Variants in DLG3 observed in about 807,000 individuals in gnomAD.
DLG3 encodes the protein discs large MAGUK scaffold protein 3.
DLG3 carries 1 observed loss-of-function variant against 64.1 expected under a neutral mutation model. The ratio of observed to expected loss-of-function variants is 0.02; its 90% CI spans 0.01 to 0.07. The LOEUF (loss-of-function observed/expected upper bound fraction) is 0.07. Among genes scored for constraint, DLG3 ranks in the 10% least tolerant of loss-of-function variants. DLG3 has a pLI of 1.00. For missense variants in DLG3, 429 were observed against 669.5 expected, an observed-to-expected ratio of 0.64 and a Z score of 3.96; for synonymous variants, 245 against 259.8, an observed-to-expected ratio of 0.94 and a Z score of 0.55.
intron 9 of DLG3, among the ~76,000 whole-genome samples, chrX:70,466,291 G>T (rs2086885952): frequency 1.0e-5 from 1 of 96,377 alleles, no homozygotes; most frequent in East Asian, 3.0e-4. Context: ...GTGTGTGTGT[G>T]TGTGGATTGC....
rs1250911896 is a variant in DLG3, at chrX:70,503,373, G to A, written c.*1104G>A. On this transcript the variant is annotated 3_prime_UTR_variant, in exon 19 of 19. Coordinates refer to ENST00000374360, the MANE Select transcript of DLG3 (RefSeq NM_021120.4). Reference sequence around the variant, plus strand: ...AGGTTCTAAAGGCTTATGAGGTCCTGAAGGAGCCAGGCCTTGTGATGGAGT... The same window carrying A: ...AGGTTCTAAAGGCTTATGAGGTCCTAAAGGAGCCAGGCCTTGTGATGGAGT... 8.9e-6 allele frequency: 1 copy of A among 112,507 alleles called. No homozygotes were observed. The highest frequency in any genetic ancestry group is 3.2e-5 in the African/African-American group (1 of 30,865). 9.3% of individuals were successfully genotyped at this position (112,507 alleles called of 1,213,427 possible).
chrX:70,449,411 T>C lies in DLG3; in HGVS notation c.461T>C (p.Val154Ala). ...SIAGGIDNPH[V>A]PDDPGIFITK... ...GCAGGTGGCATCGACAATCCCCATG[T>C]CCCTGATGACCCTGGCATCTTTATT... The change falls in exon 3 of 19, where the codon GTC becomes GCC. Residue 154 changes from valine to alanine, a missense_variant. This residue lies in a region of DLG3 where 73 missense variants were observed against 158.5 expected (regional missense o/e 0.46). Transcript: ENST00000374360. 2.5e-6 allele frequency: 3 copies of C among 1,211,540 alleles called. No homozygotes were observed. The highest frequency in any genetic ancestry group is 3.4e-6 in the Non-Finnish European group (3 of 895,373).
Position 70,449,780 on chromosome X carries a change from T to C in DLG3, c.624T>C (p.Pro208=), listed in dbSNP as rs1421354546. The C allele has an allele frequency of 3.3e-6, 4 of 1,205,998 alleles. No individual in the cohort carries two copies. The African/African-American group carries it at 7.0e-5, about 21-fold the overall frequency. The part of the protein sequence containing the change: ...RAVEALKEAG[P]VVRLVVRRRQ... ...TGGAGGCGCTGAAGGAGGCAGGCCCTGTGGTGCGATTGGTGGTGCGGAGGC... is the reference window on the plus strand; with the variant it reads ...TGGAGGCGCTGAAGGAGGCAGGCCCCGTGGTGCGATTGGTGGTGCGGAGGC... Residue 208 remains proline, a synonymous_variant, in exon 4 of 19, where the codon CCT becomes CCC. Coordinates refer to ENST00000374360, the MANE Select transcript of DLG3 (RefSeq NM_021120.4).
chrX:70,490,427 C>T lies in DLG3; in HGVS notation c.1521-1680C>T, dbSNP rs771088662. Among the ~76,000 whole-genome samples, 134 of 111,663 alleles carry T rather than the reference C, an allele frequency of 1.2e-3. 1 individual carries two copies. The highest frequency in any genetic ancestry group is 1.5e-3 in the Non-Finnish European group (82 of 53,132). On this transcript the variant is annotated intron_variant, in intron 10 of 18. Coordinates refer to ENST00000374360, the MANE Select transcript of DLG3 (RefSeq NM_021120.4). ...AGTTTTGATTCTGTCACACATAGCC[C>T]GGAATGCACCTCTCGGACAGCACCT...
rs1277976604 is a variant in DLG3, at chrX:70,452,915, T to A, written c.1146-722T>A. 3 of 486,434 alleles carry A rather than the reference T, an allele frequency of 6.2e-6. No individual in the cohort carries two copies. The African/African-American group carries it at 7.3e-5, about 12-fold the overall frequency. 40.1% of individuals were successfully genotyped at this position (486,434 alleles called of 1,213,427 possible). On this transcript the variant is annotated intron_variant, in intron 7 of 18. Coordinates refer to ENST00000374360, the MANE Select transcript of DLG3 (RefSeq NM_021120.4). ...AAGGCGGTGGGCCGGGAACGTGCCCTGGGAGTTGGGCGGATGACACTGTGA... is the reference window on the plus strand; with the variant it reads ...AAGGCGGTGGGCCGGGAACGTGCCCAGGGAGTTGGGCGGATGACACTGTGA...
At chrX:70,497,701 G>A (rs1352205606) in intron 13 of DLG3, among the ~76,000 whole-genome samples, 3 of 112,341 alleles carry the variant, frequency 2.7e-5, no homozygotes, top group African/African-American at 6.5e-5. Context: ...CAGAGAAACC[G>A]TAATTCAAAC....
chrX:70,455,352 G>A (rs1037965740), intron 9 of DLG3: 5 of 751,019 alleles, frequency 6.7e-6, no homozygotes, highest in Non-Finnish European at 7.8e-6. Context: ...CCAACACTGC[G>A]TGCCCCAATT....
chrX:70,500,065 A>G lies in DLG3; in HGVS notation c.2145+16A>G. The G allele has an allele frequency of 8.4e-7, 1 of 1,196,972 alleles. No homozygotes were observed. Among genetic ancestry groups the G allele is most frequent in the Non-Finnish European group, 1.1e-6 (1 of 883,228 alleles). ...TGCAGAGAGGGTAAGTGTACAGGAG[A>G]TGGCCTCAAAGGGGAGGCCAATGCT... is the stretch of plus-strand genomic sequence containing the variant. On this transcript the variant is annotated intron_variant, in intron 16 of 18. Transcript: ENST00000374360.
chrX:70,452,839 G>T (rs1849738078), intron 7 of DLG3: 5 of 932,470 alleles, frequency 5.4e-6, no homozygotes, highest in Admixed American at 3.3e-5. Context: ...GAAAGGAAGA[G>T]TCTTGCGTGG....
chrX:70,460,288 A>C lies in DLG3; in HGVS notation c.1405+5972A>C, dbSNP rs1314436854. ...CAGAGCTGAGACTCTGTCTCAAAAA[A>C]AAAAAAAAAAAAAAAAAAACTCCCA... is the stretch of plus-strand genomic sequence containing the variant. On this transcript the variant is annotated intron_variant, in intron 9 of 18. Transcript: ENST00000374360. Among the ~76,000 whole-genome samples the C allele has an allele frequency of 1.9e-4, 20 of 107,989 alleles. No homozygotes were observed. The Admixed American group carries it at 2.0e-3, about 11-fold the overall frequency. The allele number at this position is 107,989 out of a possible 115,157, so 93.8% of individuals were successfully genotyped here.
chrX:70,452,727 C>G, intron 7 of DLG3: 1 of 1,196,479 alleles, frequency 8.4e-7, no homozygotes, highest in South Asian at 1.9e-5. Flanking sequence ...CTGGCCGCTC[C>G]GCTCCCTGCG....
chrX:70,449,622 G>A, intron 3 of DLG3, 68 bp from the exon 4 acceptor site: 1 of 1,189,243 alleles, frequency 8.4e-7, no homozygotes, highest in Non-Finnish European at 1.1e-6. Flanking sequence ...ACAGAGAAGT[G>A]GGAGGAAGCA....
At position 70,450,743 on chromosome X, in the gene DLG3, C is replaced by T. The variant is rs747529929; in HGVS notation, c.945C>T (p.Leu315=). ...VYLKVAKPGS[L]HLNDMYAPPD... is the part of the protein sequence containing the mutation. ...TGAAGGTGGCCAAGCCAGGCAGCCT[C>T]CACCTCAACGACATGTACGCTCCCC... Residue 315 remains leucine (L), a synonymous_variant, in exon 6 of 19, where the codon CTC becomes CTT. Transcript: ENST00000374360. 1.7e-6 allele frequency: 2 copies of T among 1,211,769 alleles called. No individual in the cohort carries two copies. The highest frequency in any genetic ancestry group is 2.2e-6 in the Non-Finnish European group (2 of 895,541).
intron 9 of DLG3, among the ~76,000 whole-genome samples, chrX:70,469,051 C>T (rs2086927978): frequency 9.0e-6 from 1 of 111,292 alleles, no homozygotes; most frequent in Non-Finnish European, 1.9e-5. Context: ...TACTCTGACA[C>T]CCAGGCTGGA....
intron 9 of DLG3, among the ~76,000 whole-genome samples, chrX:70,468,924 G>A (rs62607978): frequency 0.16 from 17,244 of 110,494 alleles, 1,191 homozygotes; most frequent in Non-Finnish European, 0.2. Flanking sequence ...TAATTAGAAG[G>A]GATCTTAGAA....
intron 10 of DLG3, among the ~76,000 whole-genome samples, chrX:70,485,887 AT>A (rs750295204): frequency 1.8e-4 from 20 of 111,774 alleles, no homozygotes; most frequent in Middle Eastern, 4.6e-3. Context: ...GAGCACGTAC[AT>A]TATCCCTGTG....
rs1289545121 is a variant in DLG3, at chrX:70,448,980, G to A, written c.408+17G>A. 8.3e-7 allele frequency: 1 copy of A among 1,203,069 alleles called. No homozygotes were observed. The highest frequency in any genetic ancestry group is 3.0e-5 in the East Asian group (1 of 33,747). On this transcript the variant is annotated intron_variant, in intron 2 of 18. Transcript: ENST00000374360. ...CTTGAGAGGGTGAGTCTGCCAGTGG[G>A]GAAAAGCGGAAAGGGAAGGAGAGGG...
chrX:70,479,604 A>AC (rs759057588), intron 10 of DLG3, among the ~76,000 whole-genome samples: 87 of 110,548 alleles, frequency 7.9e-4, no homozygotes, highest in African/African-American at 2.7e-3. Context: ...GAAACTTGCC[A>AC]CCCCCCCATC....
rs374006597 is a variant in DLG3, at chrX:70,445,452, C to T, written c.251C>T (p.Pro84Leu). Residue 84 changes from proline to leucine, a missense_variant, in exon 1 of 19, where the codon CCG (proline) becomes CTG (leucine). Pro to Leu is a moderately conservative substitution (Grantham distance 98). Around this residue, in one of 9 missense-constraint regions of DLG3, gnomAD observed 123 missense variants for 113.3 expected, o/e 1.09. Coordinates refer to ENST00000374360, the MANE Select transcript of DLG3 (RefSeq NM_021120.4). Reference sequence around the variant, plus strand: ...ATCCCCACCGGCCGGGATGTGGGGCCGGTGCCTCCTAAGCCAGTCCCGGGC... The same window carrying T: ...ATCCCCACCGGCCGGGATGTGGGGCTGGTGCCTCCTAAGCCAGTCCCGGGC... ...KLIPTGRDVG[P>L]VPPKPVPGKS... 1.3e-5 allele frequency: 16 copies of T among 1,201,600 alleles called. No individual in the cohort carries two copies. The highest frequency in any genetic ancestry group is 5.2e-5 in the African/African-American group (3 of 57,341).
Sources: gnomAD v4.1 joint callset for allele counts (sites outside exome capture counted in the v4.1 genomes callset) on GRCh38, gnomAD v4.1.1 for gene constraint, gnomAD v4.1.1 regional missense constraint, MANE v1.5 for transcripts, NCBI Gene and HGNC (gene_info 2026-07-23, HGNC 2026-07-21) for gene names.